Variants in AMY2B observed in about 807,000 individuals in gnomAD.
AMY2B encodes amylase alpha 2B, also known as alpha-amylase 2B.
Under a neutral mutation model 59.3 loss-of-function variants are expected in AMY2B, and 63 were observed. The ratio of observed to expected loss-of-function variants is 1.06; its 90% CI spans 0.87 to 1.31. The LOEUF is 1.31. Among genes scored for constraint, AMY2B ranks in the 50% most tolerant of loss-of-function variants. AMY2B has a pLI of 0.00. For synonymous variants in AMY2B, 180 were observed against 198.1 expected (o/e 0.91, Z 0.77); for missense variants, 635 against 626.7 (o/e 1.01, Z -0.14).
intron 1 of AMY2B, chr1:103,565,421 A>G (rs1371248146): frequency 2.0e-5 from 3 of 152,228 alleles, no homozygotes; most frequent in Non-Finnish European, 4.4e-5. Flanking sequence ...CTTTAAAAAT[A>G]TGTTCTTCCA....
Position 103,575,495 on chromosome 1 carries a change from A to C in AMY2B, c.1056A>C (p.Arg352=). 1.2e-6 allele frequency: 2 copies of C among 1,613,820 alleles called. No homozygotes were observed. The highest frequency in any genetic ancestry group is 2.2e-5 in the East Asian group (1 of 44,848). Residue 352 remains arginine (R), a synonymous_variant, in exon 7 of 10, where the codon CGA becomes CGC. Transcript: ENST00000684275. The part of the protein sequence containing the change: ...FMLAHPYGFT[R]VMSSYRWPRQ... ...TTGCTCATCCTTATGGTTTTACACG[A>C]GTAATGTCAAGCTACCGTTGGCCAA... is the stretch of plus-strand genomic sequence containing the variant.
At chr1:103,569,039 A>C (rs1046982585), upstream of AMY2B, 1 of 152,106 alleles carries the variant, frequency 6.6e-6, no homozygotes, top group Admixed American at 6.6e-5. Flanking sequence ...AATTCTGAGC[A>C]AAAGGGGGAA....
upstream of AMY2B, chr1:103,569,869 C>T (rs546030612): frequency 3.1e-5 from 14 of 458,060 alleles, no homozygotes; most frequent in African/African-American, 8.1e-5. Flanking sequence ...TGCTGCTGAC[C>T]GAGGACCCCC....
chr1:103,563,839 GAAGAAT>G, intron 1 of AMY2B, among the ~76,000 whole-genome samples: 1 of 152,218 alleles, frequency 6.6e-6, no homozygotes, highest in South Asian at 2.1e-4. Context: ...GAATAAGCAA[GAAGAAT>G]ACTGTGAGGG....
At chr1:103,563,256 A>G (rs1651794930) in intron 1 of AMY2B, among the ~76,000 whole-genome samples, 1 of 152,114 alleles carries the variant, frequency 6.6e-6, no homozygotes, top group Non-Finnish European at 1.5e-5. Context: ...CATTTGGCAC[A>G]TGATAGTAAC....
chr1:103,579,235 T>A, intron 9 of AMY2B, 76 bp from the exon 10 acceptor site: 1 of 1,610,260 alleles, frequency 6.2e-7, no homozygotes, highest in Non-Finnish European at 8.5e-7. Context: ...AACATAAAGT[T>A]ATGCTGTTTA....
In AMY2B at chr1:103,572,134, G is replaced by A. The variant is rs201971305; in HGVS notation, c.193G>A (p.Ala65Thr). ...GGTCTCTCCACCAAATGAAAATGTT[G>A]CAATTCACAACCCTTTCAGACCTTG... is the stretch of plus-strand genomic sequence containing the variant. ...VQVSPPNENV[A>T]IHNPFRPWWE... is the part of the protein sequence containing the mutation. Residue 65 changes from alanine (A) to threonine (T), a missense_variant, in exon 2 of 10, where the codon GCA becomes ACA. Physicochemically the swap from Ala to Thr is moderately conservative, Grantham distance 58. Transcript: ENST00000684275. 6.0e-5 allele frequency: 97 copies of A among 1,611,608 alleles called. No individual in the cohort carries two copies. The highest frequency in any genetic ancestry group is 4.0e-4 in the South Asian group (36 of 90,968).
At chr1:103,574,431 G>T (rs1335956309) in intron 5 of AMY2B, 38 bp downstream of exon 5, 6 of 1,608,898 alleles carry the variant, frequency 3.7e-6, no homozygotes, top group South Asian at 3.3e-5. Context: ...GTATTTCATA[G>T]ATTTATTAGT....
At position 103,579,452 on chromosome 1, in the gene AMY2B, C is replaced by G. The variant is rs1419080150; in HGVS notation, c.1488C>G (p.Asn496Lys). 1.2e-6 allele frequency: 2 copies of G among 1,611,722 alleles called. No individual in the cohort carries two copies. The change falls in exon 10 of 10, where the codon AAC becomes AAG. Residue 496 changes from asparagine to lysine, a missense_variant. Physicochemically the swap from Asn to Lys is moderately conservative, Grantham distance 94. Coordinates refer to ENST00000684275, the MANE Select transcript of AMY2B (RefSeq NM_001387437.1). ...GCAAAGCTCATTTTTCTATTAGTAA[C>G]TCTGCTGAGGATCCATTTATTGCAA... ...DDGKAHFSIS[N>K]SAEDPFIAIH...
upstream of AMY2B, chr1:103,569,667 G>A: frequency 2.6e-6 from 1 of 384,638 alleles, no homozygotes; most frequent in Non-Finnish European, 5.2e-6. Context: ...GGTGCCCCCG[G>A]CACCAGGGCA....
intron 1 of AMY2B, among the ~76,000 whole-genome samples, chr1:103,556,307 T>C (rs992466588): frequency 2.0e-5 from 3 of 152,160 alleles, no homozygotes; most frequent in Non-Finnish European, 4.4e-5. Context: ...AGTTGAGATT[T>C]CCCTAGGTGA....
intron 7 of AMY2B, 52 bp downstream of exon 7, chr1:103,575,592 T>A: frequency 6.2e-7 from 1 of 1,605,318 alleles, no homozygotes; most frequent in Non-Finnish European, 8.5e-7. Context: ...CAGAAGGCAA[T>A]CTTGTTCTAA....
intron 2 of AMY2B, 98 bp downstream of exon 2, chr1:103,572,354 AT>A (rs1380573248): frequency 1.3e-6 from 2 of 1,515,052 alleles, no homozygotes; most frequent in South Asian, 2.7e-5. Flanking sequence ...TCCATATTTT[AT>A]TTTTTTAATT....
At position 103,573,108 on chromosome 1, in the gene AMY2B, G is replaced by A. The variant is rs762266801; in HGVS notation, c.361G>A (p.Ala121Thr). The A allele has an allele frequency of 6.2e-7, 1 of 1,613,744 alleles. No individual in the cohort carries two copies. The highest frequency in any genetic ancestry group is 1.7e-5 in the Admixed American group (1 of 60,010). Residue 121 changes from alanine to threonine, a missense_variant, in exon 3 of 10, where the codon GCT becomes ACT. Coordinates refer to ENST00000684275, the MANE Select transcript of AMY2B (RefSeq NM_001387437.1). Reference protein sequence around the residue: ...DAVINHMSGNAVSAGTSSTCG... With the variant: ...DAVINHMSGNTVSAGTSSTCG... ...TGTAATTAATCATATGTCTGGTAATGCTGTGAGTGCAGGAACAAGCAGTAC... is the reference window on the plus strand; with the variant it reads ...TGTAATTAATCATATGTCTGGTAATACTGTGAGTGCAGGAACAAGCAGTAC...
intron 4 of AMY2B, 145 bp downstream of exon 4, chr1:103,574,083 C>A (rs1652248300): frequency 1.3e-6 from 2 of 1,505,066 alleles, no homozygotes; most frequent in African/African-American, 2.8e-5. Flanking sequence ...TCACATACAG[C>A]ATATCTAATT....
chr1:103,569,856 TG>T, upstream of AMY2B: 2 of 457,886 alleles, frequency 4.4e-6, no homozygotes, highest in Non-Finnish European at 4.3e-6. Flanking sequence ...GAGGAGCACC[TG>T]GTGCTGCTGA....
intron 1 of AMY2B, among the ~76,000 whole-genome samples, chr1:103,562,264 G>T (rs1042901804): frequency 1.3e-5 from 2 of 152,166 alleles, no homozygotes; most frequent in Non-Finnish European, 2.9e-5. Flanking sequence ...TATTTATATT[G>T]AAAATGTGTC....
At chr1:103,576,313 G>A (rs891253575) in intron 7 of AMY2B, among the ~76,000 whole-genome samples, 16 of 152,142 alleles carry the variant, frequency 1.1e-4, no homozygotes, top group African/African-American at 3.9e-4. Flanking sequence ...AGTTTGAGAA[G>A]TCTGTTACTT....
intron 9 of AMY2B, among the ~76,000 whole-genome samples, chr1:103,578,448 T>C (rs1466988690): frequency 6.6e-6 from 1 of 152,196 alleles, no homozygotes; most frequent in Non-Finnish European, 1.5e-5. Context: ...TCTTATATCC[T>C]TTACTGAAGT....
Sources: gnomAD v4.1 joint callset for allele counts (sites outside exome capture counted in the v4.1 genomes callset) on GRCh38, gnomAD v4.1.1 for gene constraint, MANE v1.5 for transcripts, NCBI Gene and HGNC (gene_info 2026-07-23, HGNC 2026-07-21) for gene names.